Variants in C6 observed in about 807,000 individuals in gnomAD.
C6 encodes complement component C6.
Under a neutral mutation model 112.9 loss-of-function variants are expected in C6, and 101 were observed. The ratio of observed to expected loss-of-function variants is 0.89; its 90% CI spans 0.76 to 1.06. C6 has a LOEUF of 1.06. C6 is among the 50% of genes least tolerant of loss of function. The pLI is 0.00. For synonymous variants in C6, 431 were observed against 384.1 expected, an observed-to-expected ratio of 1.12 and a Z score of -1.43; for missense variants, 1,202 against 1,104.6, an observed-to-expected ratio of 1.09 and a Z score of -1.25.
intron 1 of C6, among the ~76,000 whole-genome samples, chr5:41,234,858 T>C (rs1261553796): frequency 6.6e-6 from 1 of 151,954 alleles, no homozygotes; most frequent in African/African-American, 2.4e-5. Flanking sequence ...TTACTCAGAA[T>C]ACAAGGTAGA....
chr5:41,153,845 G>A lies in C6; in HGVS notation c.2255C>T (p.Thr752Ile). 6.2e-7 allele frequency: 1 copy of A among 1,613,362 alleles called. No homozygotes were observed. The highest frequency in any genetic ancestry group is 8.5e-7 in the Non-Finnish European group (1 of 1,179,694). The change falls in exon 15 of 18, where the codon ACA becomes ATA. Residue 752 changes from threonine to isoleucine, a missense_variant. Physicochemically the swap from Thr to Ile is moderately conservative, Grantham distance 89 (BLOSUM62 -1). Coordinates refer to ENST00000337836, the MANE Select transcript of C6 (RefSeq NM_000065.5). ...SRYTCQGNSWTPPISNSLTCE... is the reference protein window; with the variant it reads ...SRYTCQGNSWIPPISNSLTCE... ...GGTGAGAGAGTTTGAAATGGGTGGT[G>A]TCCAGGAATTCCCCTGGCATGTGTA... is the stretch of plus-strand genomic sequence containing the variant.
At chr5:41,235,305 C>A (rs924337800) in intron 1 of C6, among the ~76,000 whole-genome samples, 1 of 142,410 alleles carries the variant, frequency 7.0e-6, no homozygotes, top group African/African-American at 2.7e-5. Flanking sequence ...CAATTCCCAC[C>A]TATGCGTGAG....
chr5:41,159,540 C>G (rs770078823), intron 11 of C6: 12 of 866,016 alleles, frequency 1.4e-5, no homozygotes, highest in Non-Finnish European at 1.7e-5. Context: ...GCTTTGGAGG[C>G]CTTTTAAAAA....
At chr5:41,212,575 A>C (rs1369322735) in intron 1 of C6, among the ~76,000 whole-genome samples, 1 of 152,186 alleles carries the variant, frequency 6.6e-6, no homozygotes, top group Non-Finnish European at 1.5e-5. Context: ...GGCATTCTGG[A>C]GGTATCTAAA....
At chr5:41,217,818 G>GA (rs113310190), upstream of C6, among the ~76,000 whole-genome samples, 23 of 150,532 alleles carry the variant, frequency 1.5e-4, no homozygotes, top group Middle Eastern at 3.4e-3. Context: ...GGAAAAGGCA[G>GA]AAAAAAAAAG....
intron 15 of C6, chr5:41,152,807 A>G (rs931896629): frequency 4.6e-5 from 7 of 152,196 alleles, no homozygotes; most frequent in African/African-American, 1.7e-4. Context: ...CATTGTTTCC[A>G]AAAAGAATCA....
intron 7 of C6, among the ~76,000 whole-genome samples, chr5:41,178,624 C>T (rs1450061437): frequency 5.3e-5 from 8 of 151,014 alleles, no homozygotes; most frequent in African/African-American, 1.7e-4. Flanking sequence ...CACAAGCCCC[C>T]GCCACCACGT....
At position 41,149,997 on chromosome 5, in the gene C6, A is replaced by C; in HGVS notation, c.2319T>G (p.Cys773Trp). 6.2e-7 allele frequency: 1 copy of C among 1,612,980 alleles called. No homozygotes were observed. The highest frequency in any genetic ancestry group is 1.1e-5 in the South Asian group (1 of 91,056). ...ATCCTGATTGTTTCTGTCCCAGCTG[A>C]CAATGGCCTTTTAATTTTGTTAGAG... is the stretch of plus-strand genomic sequence containing the variant. ...KDTLTKLKGH[C>W]QLGQKQSGSE... Residue 773 changes from cysteine (C) to tryptophan (W), a missense_variant, in exon 16 of 18, where the codon TGT becomes TGG. Physicochemically the swap from Cys to Trp is radical, Grantham distance 215. Transcript: ENST00000337836.
chr5:41,239,135 G>A (rs1450240983), intron 1 of C6, among the ~76,000 whole-genome samples: 3 of 119,664 alleles, frequency 2.5e-5, no homozygotes, highest in Non-Finnish European at 3.4e-5. Context: ...TTTTTGAGAC[G>A]GATTCTTGCT....
intron 1 of C6, among the ~76,000 whole-genome samples, chr5:41,228,722 T>TCA (rs1387708412): frequency 2.6e-5 from 4 of 152,208 alleles, no homozygotes; most frequent in Non-Finnish European, 4.4e-5. Flanking sequence ...TAATATGGTT[T>TCA]TTGTTTTTCC....
chr5:41,142,374 C>G lies in C6; in HGVS notation c.*451G>C. ...TGGTCAGTACTTGACATCCTGTATA[C>G]ACACTCAGAAATTATTTGTTGAATG... On this transcript the variant is annotated 3_prime_UTR_variant, in exon 18 of 18. Transcript: ENST00000337836. The G allele has an allele frequency of 4.9e-6, 1 of 202,876 alleles. No individual in the cohort carries two copies. Among genetic ancestry groups the G allele is most frequent in the Admixed American group, 5.2e-5 (1 of 19,234 alleles). 12.6% of individuals were successfully genotyped at this position (202,876 alleles called of 1,614,324 possible).
At chr5:41,212,951 A>G (rs1340048932) in intron 1 of C6, 3 of 152,178 alleles carry the variant, frequency 2.0e-5, no homozygotes, top group Non-Finnish European at 2.9e-5. Flanking sequence ...ATCCCCAGCT[A>G]TAGGTTCTTC....
At chr5:41,234,432 G>A (rs896557575) in intron 1 of C6, among the ~76,000 whole-genome samples, 1 of 149,326 alleles carries the variant, frequency 6.7e-6, no homozygotes, top group Non-Finnish European at 1.5e-5. Context: ...AGATAATTTG[G>A]CAATAAATAT....
intron 11 of C6, among the ~76,000 whole-genome samples, chr5:41,159,842 T>G (rs988470569): frequency 2.6e-5 from 4 of 152,180 alleles, no homozygotes; most frequent in East Asian, 1.9e-4. Context: ...GAGCATTGTA[T>G]ATGTATTCTT....
At chr5:41,254,565 A>G (rs1029069226) in intron 1 of C6, among the ~76,000 whole-genome samples, 1 of 152,222 alleles carries the variant, frequency 6.6e-6, no homozygotes, top group Non-Finnish European at 1.5e-5. Flanking sequence ...TATAGCTACC[A>G]AGTGGAGAGT....
At chr5:41,247,197 A>C (rs1431726437) in intron 1 of C6, among the ~76,000 whole-genome samples, 1 of 152,152 alleles carries the variant, frequency 6.6e-6, no homozygotes, top group African/African-American at 2.4e-5. Flanking sequence ...CAATCAGGCA[A>C]AGGAAAAAAA....
At chr5:41,174,338 G>A (rs759360719) in intron 8 of C6, among the ~76,000 whole-genome samples, 2 of 152,142 alleles carry the variant, frequency 1.3e-5, no homozygotes, top group African/African-American at 2.4e-5. Context: ...TTCCTCTGCT[G>A]TGGAGCACAG....
At chr5:41,229,929 T>A (rs1217382361) in intron 1 of C6, among the ~76,000 whole-genome samples, 1 of 152,194 alleles carries the variant, frequency 6.6e-6, no homozygotes, top group Non-Finnish European at 1.5e-5. Flanking sequence ...GAATATAAAT[T>A]GTGAAGGTTT....
At chr5:41,172,458 C>T in intron 8 of C6, 111 bp from the exon 9 acceptor site, 1 of 1,033,620 alleles carries the variant, frequency 9.7e-7, no homozygotes, top group South Asian at 1.3e-5. Flanking sequence ...ATTAGCCCCT[C>T]TCTTCCCCAG....
Sources: gnomAD v4.1 joint callset for allele counts (sites outside exome capture counted in the v4.1 genomes callset) on GRCh38, gnomAD v4.1.1 for gene constraint, MANE v1.5 for transcripts, NCBI Gene and HGNC (gene_info 2026-07-23, HGNC 2026-07-21) for gene names.